The following DNAH7 variants were observed in gnomAD, a reference collection of about 807,000 sequenced individuals.
DNAH7 encodes the protein dynein axonemal heavy chain 7.
In DNAH7, 397 loss-of-function variants were observed where a neutral mutation model predicts 444.6. That is an observed-to-expected ratio of 0.89 (90% confidence interval 0.82 to 0.97). DNAH7 has a LOEUF of 0.97. DNAH7 is among the 50% of genes least tolerant of loss of function. DNAH7 has a pLI of 0.00. For missense variants in DNAH7, 4,902 were observed against 4,800.8 expected, an observed-to-expected ratio of 1.02 and a Z score of -0.62; for synonymous variants, 1,636 against 1,624.4, an observed-to-expected ratio of 1.01 and a Z score of -0.17.
intron 29 of DNAH7, among the ~76,000 whole-genome samples, chr2:195,897,200 A>G (rs1702371407): frequency 6.6e-6 from 1 of 152,234 alleles, no homozygotes; most frequent in Non-Finnish European, 1.5e-5. Flanking sequence ...TTAAATTATA[A>G]TAAGATTATT....
chr2:195,820,351 G>A (rs1337072204), intron 49 of DNAH7, among the ~76,000 whole-genome samples: 1 of 151,478 alleles, frequency 6.6e-6, no homozygotes, highest in Non-Finnish European at 1.5e-5. Context: ...TGCATATGGG[G>A]CTTAAAACCT....
At chr2:195,896,184 A>G (rs1702304310) in intron 29 of DNAH7, among the ~76,000 whole-genome samples, 1 of 152,212 alleles carries the variant, frequency 6.6e-6, no homozygotes, top group South Asian at 2.1e-4. Context: ...CATGTATAAA[A>G]GTTCCAATAT....
At position 195,796,748 on chromosome 2, in the gene DNAH7, G is replaced by C. The variant is rs1247970415; in HGVS notation, c.10354-11C>G. 2 of 1,598,248 alleles carry C rather than the reference G, an allele frequency of 1.3e-6. No individual in the cohort carries two copies. Among genetic ancestry groups the C allele is most frequent in the African/African-American group, 1.4e-5 (1 of 74,012 alleles). On this transcript the variant is annotated splice_polypyrimidine_tract_variant and intron_variant, in intron 55 of 64. Coordinates refer to ENST00000312428, the MANE Select transcript of DNAH7 (RefSeq NM_018897.3). ...TGATCCCCCATATCCCTGTGTACAAGAATAGTAGAGATGTTATTTAAAATC... is the reference window on the plus strand; with the variant it reads ...TGATCCCCCATATCCCTGTGTACAACAATAGTAGAGATGTTATTTAAAATC...
At chr2:195,820,132 C>G (rs1050431508) in intron 49 of DNAH7, among the ~76,000 whole-genome samples, 21 of 152,176 alleles carry the variant, frequency 1.4e-4, no homozygotes, top group Non-Finnish European at 1.9e-4. Context: ...TTTTCTACCA[C>G]ATGTATCAGA....
intron 1 of DNAH7, among the ~76,000 whole-genome samples, chr2:196,058,739 T>C (rs921004870): frequency 6.6e-6 from 1 of 152,178 alleles, no homozygotes; most frequent in Non-Finnish European, 1.5e-5. Flanking sequence ...GAGACTAATA[T>C]TGTTAAGATG....
At chr2:196,034,721 G>A (rs1364721992) in intron 5 of DNAH7, among the ~76,000 whole-genome samples, 7 of 152,100 alleles carry the variant, frequency 4.6e-5, no homozygotes, top group African/African-American at 1.7e-4. Context: ...CCTCGTATAT[G>A]GTGAAATTAT....
intron 5 of DNAH7, among the ~76,000 whole-genome samples, chr2:196,043,880 C>T (rs1191738991): frequency 6.6e-6 from 1 of 151,944 alleles, no homozygotes; most frequent in Non-Finnish European, 1.5e-5. Context: ...GCAAGAATGG[C>T]CATAATTTAA....
intron 63 of DNAH7, among the ~76,000 whole-genome samples, chr2:195,750,888 C>T (rs1470348662): frequency 6.6e-6 from 1 of 152,122 alleles, no homozygotes; most frequent in African/African-American, 2.4e-5. Context: ...TAATTTGAGC[C>T]AAATTATTTA....
At chr2:195,902,071 A>G (rs1686744784) in intron 27 of DNAH7, 1 of 152,192 alleles carries the variant, frequency 6.6e-6, no homozygotes, top group Non-Finnish European at 1.5e-5. Context: ...GTGAATGACA[A>G]TCATAGTCAG....
At position 195,739,223 on chromosome 2, in the gene DNAH7, G is replaced by A. The variant is rs1200065334; in HGVS notation, c.11869-1096C>T. ...CCTGAAATTGCATTTATTTGTCCTT[G>A]AAACTTTCAATTTGGGTCTTGTATT... On this transcript the variant is annotated intron_variant, in intron 64 of 64. Coordinates refer to ENST00000312428, the MANE Select transcript of DNAH7 (RefSeq NM_018897.3). Among the ~76,000 whole-genome samples the A allele has an allele frequency of 5.3e-5, 8 of 152,156 alleles. No individual in the cohort carries two copies. The East Asian group carries it at 1.5e-3, about 29-fold the overall frequency.
At chr2:195,927,895 G>A (rs1688446851) in intron 21 of DNAH7, among the ~76,000 whole-genome samples, 1 of 151,948 alleles carries the variant, frequency 6.6e-6, no homozygotes, top group African/African-American at 2.4e-5. Flanking sequence ...AACTTATACA[G>A]GAAGATTTTT....
At chr2:195,859,649 T>C (rs1699907579) in intron 42 of DNAH7, among the ~76,000 whole-genome samples, 1 of 152,204 alleles carries the variant, frequency 6.6e-6, no homozygotes, top group African/African-American at 2.4e-5. Context: ...GAAAGGATTA[T>C]AATTTTTGTT....
intron 60 of DNAH7, 103 bp downstream of exon 60, chr2:195,775,743 A>T: frequency 3.9e-6 from 5 of 1,272,914 alleles, no homozygotes; most frequent in Non-Finnish European, 5.2e-6. Flanking sequence ...ATGTTTCTCC[A>T]CTTGAACAGA....
At chr2:196,045,143 GAGA>G (rs1216623377) in intron 5 of DNAH7, among the ~76,000 whole-genome samples, 3 of 149,254 alleles carry the variant, frequency 2.0e-5, no homozygotes, top group Non-Finnish European at 4.5e-5. Context: ...GGAGGAGGAG[GAGA>G]AGGAGGAGGA....
Position 195,864,630 on chromosome 2 carries a change from A to G in DNAH7, c.7025T>C (p.Val2342Ala), listed in dbSNP as rs868473928. Residue 2342 changes from valine to alanine, a missense_variant, in exon 41 of 65, where the codon GTT (valine) becomes GCT (alanine). Transcript: ENST00000312428. ...QPRSHALLVG[V>A]GGSGRQSVTR... ...GACAGACTGCCTTCCACTCCCTCCA[A>G]CCCCTACTAGGAGAGCATGGCTGCG... 2.5e-6 allele frequency: 4 copies of G among 1,613,670 alleles called. No homozygotes were observed. In the East Asian group the frequency reaches 6.7e-5, roughly 27 times the overall value.
At chr2:196,033,894 T>C (rs1300301628) in intron 5 of DNAH7, among the ~76,000 whole-genome samples, 3 of 152,220 alleles carry the variant, frequency 2.0e-5, no homozygotes, top group Non-Finnish European at 4.4e-5. Flanking sequence ...CTGCACTAAT[T>C]TACATTCTCA....
chr2:195,973,810 G>A (rs903719449), intron 15 of DNAH7, among the ~76,000 whole-genome samples: 2 of 152,114 alleles, frequency 1.3e-5, no homozygotes, highest in South Asian at 2.1e-4. Flanking sequence ...AAAATCGGCC[G>A]GGTGTGGTGG....
chr2:195,972,906 A>G (rs768932831), intron 15 of DNAH7, among the ~76,000 whole-genome samples: 4 of 152,204 alleles, frequency 2.6e-5, no homozygotes, highest in African/African-American at 4.8e-5. Context: ...TTTTACCCAA[A>G]TAACCACCAG....
rs572527646 is a variant in DNAH7 at position 195,888,113 on chromosome 2, TTCTAA to T, written c.5406+140_5406+144del. The T allele has an allele frequency of 4.5e-3, 3,004 of 673,820 alleles. 15 individuals are homozygous for T. The highest frequency in any genetic ancestry group is 5.9e-3 in the East Asian group (187 of 31,868). The allele number at this position is 673,820 out of a possible 1,614,324, so 41.7% of individuals were successfully genotyped here. A position where few individuals can be genotyped will look rare whatever the true frequency, so the allele number is the denominator to read the frequency against. The stretch of plus-strand genomic sequence containing the variant: ...AAATATTTTTAGTGAACTGCATGAA[TTCTAA>T]TCTAAATTTTTAATTTAATCAAAAA... On this transcript the variant is annotated intron_variant, in intron 33 of 64. Coordinates refer to ENST00000312428, the MANE Select transcript of DNAH7 (RefSeq NM_018897.3).
Sources: gnomAD v4.1 joint callset for allele counts (sites outside exome capture counted in the v4.1 genomes callset) on GRCh38, gnomAD v4.1.1 for gene constraint, MANE v1.5 for transcripts, NCBI Gene and HGNC (gene_info 2026-07-23, HGNC 2026-07-21) for gene names.